Variants in E2F7 observed in about 807,000 individuals in gnomAD.
The protein encoded by E2F7 is transcription factor E2F7.
A neutral mutation model predicts 81.1 loss-of-function variants in E2F7; 35 were observed. The observed-to-expected ratio is 0.43, with a 90% confidence interval of 0.33 to 0.57. The LOEUF (loss-of-function observed/expected upper bound fraction) is 0.57, where lower values mean the gene tolerates loss of function less well. Among genes scored for constraint, E2F7 ranks in the 20% least tolerant of loss-of-function variants. The pLI, the probability that E2F7 is intolerant of heterozygous loss-of-function variation, is 0.04. For missense variants in E2F7, 961 were observed against 1,093.7 expected, an observed-to-expected ratio of 0.88 and a Z score of 1.71; for synonymous variants, 416 against 416.2, an observed-to-expected ratio of 1.00 and a Z score of 0.01.
intron 7 of E2F7, among the ~76,000 whole-genome samples, chr12:77,037,743 G>A (rs941447204): frequency 2.0e-5 from 3 of 151,972 alleles, no homozygotes; most frequent in African/African-American, 7.2e-5. Context: ...AGAGGAAAAA[G>A]AAACAATAAG....
intron 3 of E2F7, among the ~76,000 whole-genome samples, chr12:77,051,207 C>T (rs1463952715): frequency 6.6e-6 from 1 of 152,128 alleles, no homozygotes; most frequent in Non-Finnish European, 1.5e-5. Context: ...TACAATCGAC[C>T]AAAGGTTGAT....
At chr12:77,064,213 A>C (rs1955099978) in intron 2 of E2F7, among the ~76,000 whole-genome samples, 1 of 152,210 alleles carries the variant, frequency 6.6e-6, no homozygotes, top group Admixed American at 6.5e-5. Context: ...CTGGGAACTG[A>C]GGCTTAGCAT....
chr12:77,049,810 G>C (rs954044296), intron 4 of E2F7, among the ~76,000 whole-genome samples: 4 of 152,180 alleles, frequency 2.6e-5, no homozygotes, highest in Admixed American at 1.3e-4. Context: ...TTATTTAGCT[G>C]ATTTGTTCAG....
At chr12:77,053,401 G>T (rs1016227712) in intron 3 of E2F7, among the ~76,000 whole-genome samples, 4 of 152,158 alleles carry the variant, frequency 2.6e-5, no homozygotes, top group Non-Finnish European at 5.9e-5. Context: ...TTTGTAGTCA[G>T]TCTGTTGCAA....
intron 7 of E2F7, among the ~76,000 whole-genome samples, chr12:77,034,563 A>G (rs762383378): frequency 1.8e-4 from 27 of 152,246 alleles, no homozygotes; most frequent in Non-Finnish European, 3.5e-4. Context: ...GACCAAAGGA[A>G]TAAGGTCAGC....
chr12:77,057,783 GA>G (rs1391191794), intron 2 of E2F7, among the ~76,000 whole-genome samples: 12 of 152,158 alleles, frequency 7.9e-5, no homozygotes, highest in Admixed American at 3.9e-4. Flanking sequence ...TTCAAAAACA[GA>G]AAGATTCTGC....
chr12:77,062,350 G>A (rs1418045088), intron 2 of E2F7, among the ~76,000 whole-genome samples: 1 of 152,102 alleles, frequency 6.6e-6, no homozygotes, highest in Non-Finnish European at 1.5e-5. Context: ...GCTAATAAAT[G>A]GCAAAGTAGG....
At chr12:77,040,801 G>A (rs1487277237) in intron 7 of E2F7, among the ~76,000 whole-genome samples, 5 of 152,102 alleles carry the variant, frequency 3.3e-5, no homozygotes, top group Non-Finnish European at 5.9e-5. Context: ...AAAACTTATC[G>A]AATTGTAACT....
chr12:77,032,541 C>T (rs898292763), intron 9 of E2F7, among the ~76,000 whole-genome samples: 2 of 152,176 alleles, frequency 1.3e-5, no homozygotes, highest in Non-Finnish European at 2.9e-5. Context: ...GGGTATGAAT[C>T]CCAGCTTTGT....
chr12:77,056,398 G>A (rs1436003602), intron 2 of E2F7, among the ~76,000 whole-genome samples: 1 of 152,118 alleles, frequency 6.6e-6, no homozygotes, highest in African/African-American at 2.4e-5. Context: ...TGTTACTGTT[G>A]CATGTTTATA....
chr12:77,039,995 T>C (rs192314393), intron 7 of E2F7, among the ~76,000 whole-genome samples: 124 of 152,296 alleles, frequency 8.1e-4, no homozygotes, highest in Non-Finnish European at 1.4e-3. Context: ...CAGGTTATAG[T>C]TGATTCTCAT....
In E2F7 at chr12:77,050,710, A is replaced by G. The variant is rs1232844484; in HGVS notation, c.404T>C (p.Phe135Ser). ...DVVGDSAVDE[F>S]EKQRPSRKQK... ...TTTTCTGCTTGGCCTTTGCTTTTCA[A>G]ATTCGTCCACAGCACTGTCCCCAAC... Residue 135 changes from phenylalanine (F) to serine (S), a missense_variant, in exon 4 of 13, where the codon TTT (phenylalanine) becomes TCT (serine). By Grantham distance (155) the Phe-to-Ser change is radical (BLOSUM62 -2). Coordinates refer to ENST00000322886, the MANE Select transcript of E2F7 (RefSeq NM_203394.3). The G allele has an allele frequency of 6.2e-7, 1 of 1,613,816 alleles. No individual in the cohort carries two copies. Among genetic ancestry groups the G allele is most frequent in the South Asian group, 1.1e-5 (1 of 91,064 alleles).
At chr12:77,051,978 T>C (rs1266065627) in intron 3 of E2F7, among the ~76,000 whole-genome samples, 1 of 152,202 alleles carries the variant, frequency 6.6e-6, no homozygotes, top group African/African-American at 2.4e-5. Context: ...GAATACAAGA[T>C]AATATGTTTT....
intron 10 of E2F7, among the ~76,000 whole-genome samples, chr12:77,029,544 T>C (rs1259448394): frequency 2.6e-5 from 4 of 152,240 alleles, no homozygotes; most frequent in South Asian, 4.1e-4. Flanking sequence ...GATGGAAATA[T>C]ATAAACATGT....
intron 4 of E2F7, among the ~76,000 whole-genome samples, chr12:77,048,831 C>A (rs1286040088): frequency 6.6e-6 from 1 of 152,158 alleles, no homozygotes; most frequent in African/African-American, 2.4e-5. Context: ...ACTTTTCTGT[C>A]CTCCCTGGGA....
intron 3 of E2F7, among the ~76,000 whole-genome samples, chr12:77,053,327 T>C (rs952159629): frequency 6.6e-6 from 1 of 152,184 alleles, no homozygotes; most frequent in African/African-American, 2.4e-5. Context: ...GCATTTTATA[T>C]ATTATTTTTC....
rs1954938533 is a variant in E2F7 at position 77,046,126 on chromosome 12, A to G, written c.741T>C (p.Asp247=). The change falls in exon 5 of 13, where the codon GAT becomes GAC. Residue 247 remains aspartate, a synonymous_variant. Transcript: ENST00000322886. The part of the protein sequence containing the change: ...YLQQKELDLI[D]YKFGERKKDG... ...CTTTTTTACGTTCTCCAAATTTATA[A>G]TCTATCAGGTCCAGCTCTTTCTGTT... The G allele has an allele frequency of 6.2e-7, 1 of 1,614,114 alleles. No homozygotes were observed. The highest frequency in any genetic ancestry group is 8.5e-7 in the Non-Finnish European group (1 of 1,180,016).
Position 77,043,106 on chromosome 12 carries a change from G to A in E2F7, c.1082C>T (p.Pro361Leu). ...VHVTEERGRK[P>L]AFKWIGPVDF... ...CACAGGCCCGATCCACTTGAAGGCTGGTTTACGACCTCGCTCTTCTGTTAC... is the reference window on the plus strand; with the variant it reads ...CACAGGCCCGATCCACTTGAAGGCTAGTTTACGACCTCGCTCTTCTGTTAC... Residue 361 changes from proline (P) to leucine (L), a missense_variant, in exon 7 of 13, where the codon CCA becomes CTA. Around this residue, in one of 3 missense-constraint regions of E2F7, gnomAD observed 301 missense variants for 405.0 expected, o/e 0.74. Transcript: ENST00000322886. The A allele has an allele frequency of 6.2e-7, 1 of 1,614,092 alleles. No individual in the cohort carries two copies. Among genetic ancestry groups the A allele is most frequent in the East Asian group, 2.2e-5 (1 of 44,864 alleles).
intron 9 of E2F7, 21 bp downstream of exon 9, chr12:77,033,029 G>A (rs1193662713): frequency 6.2e-7 from 1 of 1,604,754 alleles, no homozygotes; most frequent in Admixed American, 1.7e-5. Flanking sequence ...AATACACTCT[G>A]AGCTTTTATA....
Sources: allele counts gnomAD v4.1 joint callset (sites outside exome capture counted in the v4.1 genomes callset), GRCh38; gene constraint gnomAD v4.1.1; regional missense constraint gnomAD v4.1.1; transcripts MANE v1.5; gene names NCBI Gene and HGNC (gene_info 2026-07-23, HGNC 2026-07-21).